The following DLG2 variants were observed in gnomAD, a reference collection of about 807,000 sequenced individuals.
DLG2 encodes the protein disks large homolog 2.
Under a neutral mutation model 132.5 loss-of-function variants are expected in DLG2, and 45 were observed. That is an observed-to-expected ratio of 0.34 (90% CI 0.27 to 0.44). The LOEUF (loss-of-function observed/expected upper bound fraction) is 0.44, where lower values mean the gene tolerates loss of function less well. Ranked by LOEUF, DLG2 falls within the 20% of genes least tolerant of loss-of-function variation. DLG2 has a pLI of 1.00. For missense variants in DLG2, 1,045 were observed against 1,196.9 expected (o/e 0.87, Z 1.87); for synonymous variants, 424 against 419.6 (o/e 1.01, Z -0.13).
chr11:85,071,196 C>A (rs2154167006), intron 6 of DLG2, among the ~76,000 whole-genome samples: 2 of 151,934 alleles, frequency 1.3e-5, no homozygotes, highest in East Asian at 3.9e-4. Context: ...TTGCTATCTT[C>A]ATTTTTTATA....
intron 18 of DLG2, among the ~76,000 whole-genome samples, chr11:83,711,266 G>T (rs1224979665): frequency 6.6e-6 from 1 of 152,180 alleles, no homozygotes; most frequent in African/African-American, 2.4e-5. Flanking sequence ...GGGATAGGGT[G>T]TATAGATGCT....
At chr11:84,297,500 T>C (rs572862624) in intron 7 of DLG2, among the ~76,000 whole-genome samples, 2 of 152,298 alleles carry the variant, frequency 1.3e-5, no homozygotes, top group Admixed American at 6.5e-5. Flanking sequence ...ATACAAAATA[T>C]ATCCTCAGTC....
In DLG2 at chr11:84,163,458, T is replaced by TTC; in HGVS notation, c.624+2_624+3insGA. ...CTTTGGATTTTTCAAAATTTTTTCTTACCCTCTCCAGTGTAATTTCTTCAA... is the reference window on the plus strand; with the variant it reads ...CTTTGGATTTTTCAAAATTTTTTCTTTCACCCTCTCCAGTGTAATTTCTTCAA... On this transcript the variant is annotated splice_region_variant and intron_variant, in intron 9 of 27. Transcript: ENST00000376104. 1 of 1,603,696 alleles carries TTC rather than the reference T, an allele frequency of 6.2e-7. No individual in the cohort carries two copies. Among genetic ancestry groups the TTC allele is most frequent in the Non-Finnish European group, 8.5e-7 (1 of 1,176,476 alleles).
chr11:83,463,001 G>A (rs1418183511), intron 26 of DLG2, among the ~76,000 whole-genome samples: 1 of 152,132 alleles, frequency 6.6e-6, no homozygotes, highest in African/African-American at 2.4e-5. Context: ...ATGCATCACA[G>A]GTGCATGTAG....
chr11:85,535,939 A>AGC (rs2075548884), intron 3 of DLG2, among the ~76,000 whole-genome samples: 1 of 148,558 alleles, frequency 6.7e-6, no homozygotes, highest in Non-Finnish European at 1.5e-5. Context: ...AAATAGTCCA[A>AGC]GTGTGGTGGC....
intron 7 of DLG2, among the ~76,000 whole-genome samples, chr11:84,446,776 C>T (rs914547591): frequency 2.6e-5 from 4 of 152,076 alleles, no homozygotes; most frequent in African/African-American, 9.7e-5. Flanking sequence ...CATTTCCCTT[C>T]CTTTGGTGAT....
At chr11:84,015,851 T>C (rs948831183) in intron 11 of DLG2, among the ~76,000 whole-genome samples, 2 of 152,172 alleles carry the variant, frequency 1.3e-5, no homozygotes, top group Non-Finnish European at 2.9e-5. Context: ...AACTTACATG[T>C]GCATGTATCT....
intron 6 of DLG2, among the ~76,000 whole-genome samples, chr11:84,572,324 C>T (rs567639493): frequency 6.6e-6 from 1 of 152,218 alleles, no homozygotes; most frequent in Admixed American, 6.5e-5. Context: ...TGGCTAATGA[C>T]TTGCTTTGGC....
intron 7 of DLG2, among the ~76,000 whole-genome samples, chr11:84,312,500 A>C (rs1049662030): frequency 1.3e-5 from 2 of 152,134 alleles, no homozygotes; most frequent in Non-Finnish European, 2.9e-5. Context: ...GAACAAAACA[A>C]AACAAAAAAC....
intron 3 of DLG2, among the ~76,000 whole-genome samples, chr11:85,345,388 C>G (rs904892449): frequency 6.6e-6 from 1 of 151,752 alleles, no homozygotes; most frequent in African/African-American, 2.4e-5. Flanking sequence ...TTGATAGTGA[C>G]GTTAAGAAGA....
At chr11:84,272,353 TTGAGAAGGTA>T in intron 7 of DLG2, 1 of 408,946 alleles carries the variant, frequency 2.4e-6, no homozygotes. Context: ...AATGTTTTTC[TTGAGAAGGTA>T]CCAAATAAAT....
chr11:84,907,495 G>A lies in DLG2; in HGVS notation c.357+204166C>T, dbSNP rs7940089. Among the ~76,000 whole-genome samples, 1,068 of 152,198 alleles carry A rather than the reference G, an allele frequency of 7.0e-3. 11 individuals are homozygous for A. The highest frequency in any genetic ancestry group is 0.025 in the African/African-American group (1,024 of 41,522). ...CTAACATGTGCCTGATGCTAAGCCCGCAAAACAAGCACCTTGAATTAAGGA... is the reference window on the plus strand; with the variant it reads ...CTAACATGTGCCTGATGCTAAGCCCACAAAACAAGCACCTTGAATTAAGGA... On this transcript the variant is annotated intron_variant, in intron 6 of 27. Coordinates refer to ENST00000376104, the MANE Select transcript of DLG2 (RefSeq NM_001142699.3).
intron 6 of DLG2, among the ~76,000 whole-genome samples, chr11:84,978,660 T>C (rs1051571616): frequency 4.6e-5 from 7 of 152,108 alleles, no homozygotes; most frequent in African/African-American, 9.7e-5. Flanking sequence ...ATACAAAAAT[T>C]AATTCAAGAT....
At chr11:84,655,437 A>C (rs2099686992) in intron 6 of DLG2, among the ~76,000 whole-genome samples, 1 of 152,212 alleles carries the variant, frequency 6.6e-6, no homozygotes, top group Non-Finnish European at 1.5e-5. Flanking sequence ...TGTTTCTCTT[A>C]TCCTGAGTGA....
At chr11:85,581,620 A>G (rs28640887) in intron 3 of DLG2, among the ~76,000 whole-genome samples, 8,271 of 152,118 alleles carry the variant, frequency 0.054, 725 homozygotes, top group African/African-American at 0.19. Context: ...CCGTCTTAAA[A>G]CAAACAAAAA....
intron 11 of DLG2, among the ~76,000 whole-genome samples, chr11:84,009,351 G>T (rs1260712530): frequency 6.6e-6 from 1 of 151,898 alleles, no homozygotes; most frequent in East Asian, 1.9e-4. Context: ...AATGATTCTA[G>T]AGGTGAAAAT....
At chr11:83,982,904 C>T (rs1466695129) in intron 11 of DLG2, among the ~76,000 whole-genome samples, 2 of 152,028 alleles carry the variant, frequency 1.3e-5, no homozygotes, top group Admixed American at 6.6e-5. Context: ...TTTGCAATTG[C>T]CTACAGTACG....
At chr11:84,059,233 G>T in intron 11 of DLG2, 82 bp downstream of exon 11, 1 of 1,379,208 alleles carries the variant, frequency 7.3e-7, no homozygotes, top group Non-Finnish European at 1.0e-6. Context: ...AGGTTAAAGA[G>T]TTCATCATAC....
intron 6 of DLG2, chr11:85,021,280 C>T: frequency 7.8e-7 from 1 of 1,279,308 alleles, no homozygotes; most frequent in East Asian, 2.3e-5. Context: ...TGCTGGGTGA[C>T]TGTACATCCT....
Sources: allele counts gnomAD v4.1 joint callset (sites outside exome capture counted in the v4.1 genomes callset), GRCh38; gene constraint gnomAD v4.1.1; transcripts MANE v1.5; gene names NCBI Gene and HGNC (gene_info 2026-07-23, HGNC 2026-07-21).